Variants in CPEB3 observed in about 807,000 individuals in gnomAD.
CPEB3 encodes the protein cytoplasmic polyadenylation element binding protein 3.
Under a neutral mutation model 67.2 loss-of-function variants are expected in CPEB3, and 20 were observed. The ratio of observed to expected loss-of-function variants is 0.30; its 90% CI spans 0.21 to 0.43. The LOEUF is 0.43. Among genes scored for constraint, CPEB3 ranks in the 20% least tolerant of loss-of-function variants. The pLI, the probability that CPEB3 is intolerant of heterozygous loss-of-function variation, is 1.00. For synonymous variants in CPEB3, 376 were observed against 393.1 expected (o/e 0.96, Z 0.51); for missense variants, 746 against 968.6 (o/e 0.77, Z 3.05).
intron 2 of CPEB3, among the ~76,000 whole-genome samples, chr10:92,227,405 A>G (rs1038418889): frequency 3.9e-5 from 6 of 152,228 alleles, no homozygotes; most frequent in Non-Finnish European, 7.3e-5. Flanking sequence ...GCTGGAGCAC[A>G]TGGATTATGA....
chr10:92,084,551 T>C (rs1843293354), intron 8 of CPEB3, among the ~76,000 whole-genome samples: 1 of 152,118 alleles, frequency 6.6e-6, no homozygotes, highest in African/African-American at 2.4e-5. Flanking sequence ...TCTCCCTCTC[T>C]ACCCTCATCT....
intron 1 of CPEB3, among the ~76,000 whole-genome samples, chr10:92,276,025 T>C (rs906197915): frequency 6.6e-6 from 1 of 151,426 alleles, no homozygotes; most frequent in Non-Finnish European, 1.5e-5. Flanking sequence ...ATTTTTTGTA[T>C]TTTTAGTAGA....
intron 1 of CPEB3, among the ~76,000 whole-genome samples, chr10:92,271,233 C>CA (rs1297313699): frequency 6.6e-6 from 1 of 152,142 alleles, no homozygotes; most frequent in African/African-American, 2.4e-5. Context: ...TTCAGAATTA[C>CA]AAAAATGTTT....
chr10:92,138,310 A>G, intron 6 of CPEB3: 1 of 218,406 alleles, frequency 4.6e-6, no homozygotes, highest in Non-Finnish European at 9.7e-6. Context: ...TCTTTAAGAA[A>G]CTGAGACCTT....
intron 7 of CPEB3, among the ~76,000 whole-genome samples, chr10:92,109,849 T>TA (rs1284366874): frequency 6.6e-6 from 1 of 152,206 alleles, no homozygotes; most frequent in African/African-American, 2.4e-5. Flanking sequence ...TAAACCCTGT[T>TA]AAAGATGTCA....
In CPEB3 at chr10:92,205,585, T is replaced by C. The variant is rs575663961; in HGVS notation, c.1006-12949A>G. ...TCTGCCTCCCAGGTTCAAGCAATTCTCCTGCCTCAGCCTCCTGAGTAGCTG... is the reference window on the plus strand; with the variant it reads ...TCTGCCTCCCAGGTTCAAGCAATTCCCCTGCCTCAGCCTCCTGAGTAGCTG... On this transcript the variant is annotated intron_variant, in intron 2 of 9. Coordinates refer to ENST00000265997, the MANE Select transcript of CPEB3 (RefSeq NM_014912.5). Among the ~76,000 whole-genome samples, 94 of 147,628 alleles carry C rather than the reference T, an allele frequency of 6.4e-4. 1 individual carries two copies. Among genetic ancestry groups the C allele is most frequent in the Non-Finnish European group, 1.1e-3 (77 of 67,094 alleles).
intron 2 of CPEB3, among the ~76,000 whole-genome samples, chr10:92,220,534 A>G (rs764513057): frequency 1.4e-5 from 2 of 147,452 alleles, no homozygotes; most frequent in Non-Finnish European, 3.0e-5. Flanking sequence ...AATGAGCACT[A>G]TGGCAATGAA....
chr10:92,151,327 TAGTCTTGTAAGTAGCTCAGCAATC>T (rs1846957237), intron 4 of CPEB3, among the ~76,000 whole-genome samples: 1 of 152,204 alleles, frequency 6.6e-6, no homozygotes, highest in Admixed American at 6.5e-5. Flanking sequence ...CTTTTCATTT[TAGTCTTGTAAGTAGCTCAGCAATC>T]AGTCACTTTG....
In CPEB3 at chr10:92,254,797, T is replaced by A. The variant is rs149373590; in HGVS notation, c.-11-14436A>T. Among the ~76,000 whole-genome samples, 6 of 152,302 alleles carry A rather than the reference T, an allele frequency of 3.9e-5. No individual in the cohort carries two copies. In the East Asian group the frequency reaches 9.6e-4, roughly 24 times the overall value. On this transcript the variant is annotated intron_variant, in intron 1 of 9. Coordinates refer to ENST00000265997, the MANE Select transcript of CPEB3 (RefSeq NM_014912.5). The stretch of plus-strand genomic sequence containing the variant: ...CCTCAGTCTCCCAAGTACCTAGGAC[T>A]ACCGGCATATACCACCACACCCAGC...
At chr10:92,118,913 A>C (rs1355964261) in intron 6 of CPEB3, 1 of 1,032,042 alleles carries the variant, frequency 9.7e-7, no homozygotes, top group Non-Finnish European at 1.5e-6. Context: ...TCTTTTTGGC[A>C]TGTCAGCCCT....
intron 8 of CPEB3, among the ~76,000 whole-genome samples, chr10:92,089,730 C>T (rs1412231537): frequency 6.6e-6 from 1 of 152,052 alleles, no homozygotes; most frequent in Non-Finnish European, 1.5e-5. Flanking sequence ...TTGCAGTGAG[C>T]TGAGATCGGG....
intron 9 of CPEB3, among the ~76,000 whole-genome samples, chr10:92,058,604 T>TAC (rs1842211642): frequency 6.7e-6 from 1 of 148,466 alleles, no homozygotes; most frequent in South Asian, 2.1e-4. Context: ...TATATATATA[T>TAC]ATATAAATTA....
At chr10:92,201,435 G>A (rs1374631446) in intron 2 of CPEB3, among the ~76,000 whole-genome samples, 1 of 152,216 alleles carries the variant, frequency 6.6e-6, no homozygotes, top group Non-Finnish European at 1.5e-5. Flanking sequence ...GGCTGAGGCA[G>A]GAGAATCACT....
rs569538433 is a variant in CPEB3, at chr10:92,078,614, G to A, written c.1869+2706C>T. 2.0e-5 allele frequency among the ~76,000 whole-genome samples: 3 copies of A among 152,226 alleles called. No individual in the cohort carries two copies. In the East Asian group the frequency reaches 5.8e-4, roughly 29 times the overall value. On this transcript the variant is annotated intron_variant, in intron 9 of 9. Transcript: ENST00000265997. ...TTAAATGTTTACCAAGGACTACTCT[G>A]AGATATAAACAGTATATGGTTAACC...
intron 2 of CPEB3, among the ~76,000 whole-genome samples, chr10:92,197,877 G>A (rs1343777636): frequency 2.0e-5 from 3 of 152,148 alleles, no homozygotes; most frequent in African/African-American, 4.8e-5. Context: ...GGGAGGCCGA[G>A]GTGGGCAGAT....
At chr10:92,229,041 A>T (rs1391614512) in intron 2 of CPEB3, among the ~76,000 whole-genome samples, 2 of 151,404 alleles carry the variant, frequency 1.3e-5, no homozygotes, top group African/African-American at 4.9e-5. Flanking sequence ...TAATTTTTTT[A>T]GAGACAGGGT....
At position 92,120,098 on chromosome 10, in the gene CPEB3, CAA is replaced by C. The variant is rs34785763; in HGVS notation, c.1454-8906_1454-8905del. Among the ~76,000 whole-genome samples the C allele has an allele frequency of 1.0e-3, 47 of 45,244 alleles. 3 individuals carry two copies. The highest frequency in any genetic ancestry group is 5.1e-3 in the East Asian group (9 of 1,754). 29.7% of individuals were successfully genotyped at this position (45,244 alleles called of 152,430 possible). A position where few individuals can be genotyped will look rare whatever the true frequency, so the allele number is the denominator to read the frequency against. ...TGAAACCCTGTCTCTACTAAAAATA[CAA>C]AAAAAAAAAAAAAAAAACCAAATTG... On this transcript the variant is annotated intron_variant, in intron 6 of 9. Coordinates refer to ENST00000265997, the MANE Select transcript of CPEB3 (RefSeq NM_014912.5).
chr10:92,241,200 T>C (rs554192027), intron 1 of CPEB3, among the ~76,000 whole-genome samples: 1 of 152,230 alleles, frequency 6.6e-6, no homozygotes, highest in South Asian at 2.1e-4. Context: ...TTTCTTGGCA[T>C]CGCAGTGCTT....
intron 6 of CPEB3, among the ~76,000 whole-genome samples, chr10:92,128,389 A>C (rs1236723445): frequency 1.3e-5 from 2 of 152,218 alleles, no homozygotes; most frequent in Non-Finnish European, 2.9e-5. Flanking sequence ...CCTGAGCTGC[A>C]TGTGGCCTGT....
Sources: allele counts gnomAD v4.1 joint callset (sites outside exome capture counted in the v4.1 genomes callset), GRCh38; gene constraint gnomAD v4.1.1; transcripts MANE v1.5; gene names NCBI Gene and HGNC (gene_info 2026-07-23, HGNC 2026-07-21).